RUFY3: variants seen among roughly 807,000 people sequenced by gnomAD.
The protein encoded by RUFY3 is RUN and FYVE domain containing 3.
RUFY3 carries 34 observed loss-of-function variants against 84.0 expected under a neutral mutation model. The observed-to-expected ratio is 0.40, with a 90% CI of 0.31 to 0.54. The LOEUF is 0.54. Among genes scored for constraint, RUFY3 ranks in the 20% least tolerant of loss-of-function variants. The pLI is 0.39. For missense variants in RUFY3, 507 were observed against 736.8 expected (o/e 0.69, Z 3.61); for synonymous variants, 242 against 252.9 (o/e 0.96, Z 0.41).
intron 1 of RUFY3, among the ~76,000 whole-genome samples, chr4:70,746,601 T>G (rs1442497022): frequency 2.0e-5 from 3 of 151,984 alleles, no homozygotes; most frequent in Non-Finnish European, 4.4e-5. Flanking sequence ...CACTTCTAAA[T>G]GGTTACGTAT....
chr4:70,706,210 G>A (rs1740321338), intron 1 of RUFY3, among the ~76,000 whole-genome samples: 1 of 152,148 alleles, frequency 6.6e-6, no homozygotes, highest in Admixed American at 6.6e-5. Context: ...CATGCTGTAA[G>A]CGCCAAATAC....
upstream of RUFY3, chr4:70,721,867 A>T: frequency 8.1e-7 from 1 of 1,230,460 alleles, no homozygotes; most frequent in East Asian, 3.2e-5. Context: ...GAGAAGCCTA[A>T]TTGCTCTCCC....
intron 1 of RUFY3, among the ~76,000 whole-genome samples, chr4:70,749,747 T>TCAAG (rs1236137262): frequency 6.6e-6 from 1 of 150,956 alleles, no homozygotes; most frequent in Non-Finnish European, 1.5e-5. Context: ...CTTTCCAGGC[T>TCAAG]CAAGCCATCC....
chr4:70,708,423 A>G (rs1226979758), intron 1 of RUFY3, among the ~76,000 whole-genome samples: 4 of 152,044 alleles, frequency 2.6e-5, no homozygotes, highest in Admixed American at 2.0e-4. Flanking sequence ...CGGCCTCACA[A>G]GTGATGGGAT....
intron 1 of RUFY3, among the ~76,000 whole-genome samples, chr4:70,748,755 T>A (rs934467387): frequency 1.3e-5 from 2 of 152,152 alleles, no homozygotes; most frequent in Non-Finnish European, 2.9e-5. Context: ...GTGTTGCAGA[T>A]GAAGAAGGCC....
intron 8 of RUFY3, among the ~76,000 whole-genome samples, chr4:70,779,046 A>T (rs576849785): frequency 6.6e-6 from 1 of 152,368 alleles, no homozygotes; most frequent in South Asian, 2.1e-4. Flanking sequence ...AGCATATAGC[A>T]TATTCATCAT....
chr4:70,797,625 A>ATT (rs1731695996), intron 14 of RUFY3, among the ~76,000 whole-genome samples: 1 of 151,788 alleles, frequency 6.6e-6, no homozygotes, highest in Non-Finnish European at 1.5e-5. Flanking sequence ...TGGGCAGATC[A>ATT]TGAGGTCAAG....
In RUFY3 at chr4:70,755,121, C is replaced by T. The variant is rs181704870; in HGVS notation, c.179-7398C>T. Among the ~76,000 whole-genome samples the T allele has an allele frequency of 7.3e-3, 1,117 of 152,254 alleles. 4 individuals are homozygous for T. Among genetic ancestry groups the T allele is most frequent in the Non-Finnish European group, 0.011 (771 of 68,028 alleles). On this transcript the variant is annotated intron_variant, in intron 1 of 17. Coordinates refer to ENST00000381006, the MANE Select transcript of RUFY3 (RefSeq NM_001037442.4). ...GTTTCACTGTGTTGGCTAGGCTGGT[C>T]TCAAACTTTTGACCTCAGATGATCC...
chr4:70,710,619 G>A (rs909844492), intron 1 of RUFY3, among the ~76,000 whole-genome samples: 20 of 151,910 alleles, frequency 1.3e-4, no homozygotes, highest in African/African-American at 4.3e-4. Flanking sequence ...GTGGTGAGCC[G>A]AGATTGCGCC....
intron 1 of RUFY3, among the ~76,000 whole-genome samples, chr4:70,754,861 TTC>T (rs1723730999): frequency 6.6e-6 from 1 of 152,114 alleles, no homozygotes; most frequent in African/African-American, 2.4e-5. Flanking sequence ...TTCTATATGT[TTC>T]TGTTAGTTTG....
chr4:70,720,076 C>CT (rs1031439302), upstream of RUFY3, among the ~76,000 whole-genome samples: 6 of 152,042 alleles, frequency 3.9e-5, no homozygotes, highest in Admixed American at 2.6e-4. Flanking sequence ...TACCCTCCTT[C>CT]TTTTTTTTAT....
At chr4:70,752,524 G>T (rs940717787) in intron 1 of RUFY3, among the ~76,000 whole-genome samples, 6 of 152,108 alleles carry the variant, frequency 3.9e-5, no homozygotes, top group Non-Finnish European at 8.8e-5. Context: ...TCAGTCTTTT[G>T]CCATCAAGTT....
intron 1 of RUFY3, among the ~76,000 whole-genome samples, chr4:70,706,567 T>C (rs540232055): frequency 6.6e-6 from 1 of 152,228 alleles, no homozygotes; most frequent in South Asian, 2.1e-4. Context: ...GCTAAACCCA[T>C]GCTCTTTAAA....
At chr4:70,787,210 A>G (rs1730022014) in intron 10 of RUFY3, among the ~76,000 whole-genome samples, 1 of 137,098 alleles carries the variant, frequency 7.3e-6, no homozygotes, top group African/African-American at 2.8e-5. Flanking sequence ...ATATATATAT[A>G]TATAAAAACA....
intron 1 of RUFY3, among the ~76,000 whole-genome samples, chr4:70,755,998 A>G (rs1723953596): frequency 6.6e-6 from 1 of 152,014 alleles, no homozygotes; most frequent in African/African-American, 2.4e-5. Context: ...GAACCAGTCA[A>G]CATAATGTAT....
intron 1 of RUFY3, among the ~76,000 whole-genome samples, chr4:70,715,881 A>T (rs1741526908): frequency 6.6e-6 from 1 of 152,162 alleles, no homozygotes; most frequent in Non-Finnish European, 1.5e-5. Flanking sequence ...TGGGAGGCCA[A>T]GGCGGGCAGA....
At chr4:70,775,945 A>AAAAAAAAAAAAAAAC (rs1553917238) in intron 7 of RUFY3, among the ~76,000 whole-genome samples, 3 of 16,694 alleles carry the variant, frequency 1.8e-4, no homozygotes, top group Admixed American at 7.1e-4. Flanking sequence ...TGTCTTAAAC[A>AAAAAAAAAAAAAAAC]AAAAAAAAAA....
rs143052701 is a variant in RUFY3 at position 70,753,360 on chromosome 4, CAGT to C, written c.179-9155_179-9153del. Among the ~76,000 whole-genome samples the C allele has an allele frequency of 9.4e-3, 1,436 of 152,256 alleles. 8 individuals carry two copies. Among genetic ancestry groups the C allele is most frequent in the South Asian group, 0.034 (164 of 4,828 alleles). On this transcript the variant is annotated intron_variant, in intron 1 of 17. Coordinates refer to ENST00000381006, the MANE Select transcript of RUFY3 (RefSeq NM_001037442.4). ...AACTTTGGATTTTATTGATTTTTCT[CAGT>C]AGTTGTTTTTGCTTTTTAATTTATT...
intron 14 of RUFY3, 23 bp from the exon 15 acceptor site, chr4:70,800,118 A>G: frequency 6.3e-7 from 1 of 1,596,952 alleles, no homozygotes; most frequent in Non-Finnish European, 8.5e-7. Flanking sequence ...TAATTAATAA[A>G]TTGGGCTGTT....
Sources: gnomAD v4.1 joint callset for allele counts (sites outside exome capture counted in the v4.1 genomes callset) on GRCh38, gnomAD v4.1.1 for gene constraint, MANE v1.5 for transcripts, NCBI Gene and HGNC (gene_info 2026-07-23, HGNC 2026-07-21) for gene names.